The following PCDHGB4 variants were observed in gnomAD, a reference collection of about 807,000 sequenced individuals.
PCDHGB4 encodes the protein protocadherin gamma-B4.
PCDHGB4 carries 38 observed loss-of-function variants against 60.5 expected under a neutral mutation model. The ratio of observed to expected loss-of-function variants is 0.63; its 90% CI spans 0.48 to 0.82. The LOEUF (loss-of-function observed/expected upper bound fraction) is 0.82, where lower values mean the gene tolerates loss of function less well. Ranked by LOEUF, PCDHGB4 falls within the 40% of genes least tolerant of loss-of-function variation. PCDHGB4 has a pLI of 0.00. For missense variants in PCDHGB4, 1,109 were observed against 1,209.6 expected, an observed-to-expected ratio of 0.92 and a Z score of 1.23; for synonymous variants, 456 against 509.7, an observed-to-expected ratio of 0.89 and a Z score of 1.42.
chr5:141,417,760 C>A, intron 1 of PCDHGB4: 1 of 1,438,808 alleles, frequency 7.0e-7, no homozygotes, highest in South Asian at 1.5e-5. Context: ...GCTCCGAGAC[C>A]CGGGACTCCT....
intron 1 of PCDHGB4, chr5:141,426,943 C>T: frequency 2.2e-6 from 1 of 456,736 alleles, no homozygotes; most frequent in Non-Finnish European, 4.4e-6. Flanking sequence ...GACCCAGTCC[C>T]AACTGGCACT....
chr5:141,415,906 A>G, intron 1 of PCDHGB4: 1 of 784,990 alleles, frequency 1.3e-6, no homozygotes, highest in Non-Finnish European at 1.8e-6. Context: ...ACAGACTTCC[A>G]TACAGAAGTG....
intron 1 of PCDHGB4, chr5:141,393,496 T>C (rs960048710): frequency 1.9e-6 from 3 of 1,613,940 alleles, no homozygotes; most frequent in Non-Finnish European, 8.5e-7. Flanking sequence ...ACAGTGCGCA[T>C]CCACGTGACA....
intron 1 of PCDHGB4, chr5:141,393,124 T>A: frequency 6.2e-7 from 1 of 1,613,430 alleles, no homozygotes; most frequent in Non-Finnish European, 8.5e-7. Flanking sequence ...CGGTGTCTGA[T>A]AAATATTAAC....
intron 1 of PCDHGB4, chr5:141,427,871 GA>G: frequency 6.4e-7 from 1 of 1,559,532 alleles, no homozygotes; most frequent in Non-Finnish European, 8.8e-7. Context: ...TCGAGCTCAC[GA>G]TGCAGGCCCA....
chr5:141,416,718 G>T lies in PCDHGB4; in HGVS notation c.2397+26437G>T, dbSNP rs1202204760. The T allele has an allele frequency of 5.9e-5, 9 of 152,308 alleles. No homozygotes were observed. In the East Asian group the frequency reaches 1.5e-3, roughly 26 times the overall value. The allele number at this position is 152,308 out of a possible 1,614,324, so 9.4% of individuals were successfully genotyped here. On this transcript the variant is annotated intron_variant, in intron 1 of 3. Transcript: ENST00000519479. ...AAAGGATCATTGGAGGTACTGATGAGTTCATTTAGTTCAATGAAAATAGTG... is the reference window on the plus strand; with the variant it reads ...AAAGGATCATTGGAGGTACTGATGATTTCATTTAGTTCAATGAAAATAGTG...
At chr5:141,445,249 G>A (rs1337658576) in intron 1 of PCDHGB4, among the ~76,000 whole-genome samples, 2 of 152,170 alleles carry the variant, frequency 1.3e-5, no homozygotes, top group South Asian at 4.1e-4. Flanking sequence ...ACTATATTGT[G>A]TGAGAATATA....
At chr5:141,396,546 G>A (rs2093396215) in intron 1 of PCDHGB4, 1 of 152,118 alleles carries the variant, frequency 6.6e-6, no homozygotes, top group Non-Finnish European at 1.5e-5. Context: ...CTTGAACCCG[G>A]GAGGTGGAGG....
At chr5:141,438,957 C>T (rs1292059651) in intron 1 of PCDHGB4, among the ~76,000 whole-genome samples, 1 of 152,026 alleles carries the variant, frequency 6.6e-6, no homozygotes, top group Non-Finnish European at 1.5e-5. Context: ...TGAGCCACCG[C>T]ACCCTGCCAA....
chr5:141,421,246 C>T (rs1047768415), intron 1 of PCDHGB4: 16 of 1,603,622 alleles, frequency 1.0e-5, no homozygotes, highest in Admixed American at 1.7e-5. Flanking sequence ...TCGGCTACAG[C>T]GCGGGGACCG....
intron 1 of PCDHGB4, chr5:141,399,619 G>T (rs749025661): frequency 1.2e-6 from 2 of 1,613,784 alleles, no homozygotes; most frequent in Non-Finnish European, 1.7e-6. Flanking sequence ...TCTGGCACTG[G>T]CCTCTTACGT....
chr5:141,410,650 T>C (rs781083173), intron 1 of PCDHGB4: 3 of 1,590,604 alleles, frequency 1.9e-6, no homozygotes, highest in Non-Finnish European at 2.6e-6. Context: ...GTGTGATTTA[T>C]CTAATAGTCT....
intron 1 of PCDHGB4, among the ~76,000 whole-genome samples, chr5:141,469,568 T>C (rs942597017): frequency 6.6e-6 from 1 of 152,184 alleles, no homozygotes. Flanking sequence ...AGTGAGACTC[T>C]GTCTCTAAAT....
In PCDHGB4 at chr5:141,491,359, G is replaced by C. The variant is rs764159829; in HGVS notation, c.2398-3448G>C. 3 of 1,614,154 alleles carry C rather than the reference G, an allele frequency of 1.9e-6. No homozygotes were observed. In the East Asian group the frequency reaches 6.7e-5, roughly 36 times the overall value. On this transcript the variant is annotated intron_variant, in intron 1 of 3. Coordinates refer to ENST00000519479, the MANE Select transcript of PCDHGB4 (RefSeq NM_003736.4). This position sits in a 1 kb window ranked among gnomAD's most constrained non-coding sequence, Gnocchi z 6.9. ...AGCGACCGTCAGTCTCTTATCCCTA[G>C]TCACCTTCACCTTTCTGTCAGCGAA...
chr5:141,408,176 G>C, intron 1 of PCDHGB4: 1 of 1,533,992 alleles, frequency 6.5e-7, no homozygotes, highest in South Asian at 1.2e-5. Flanking sequence ...TGGAAAAGCG[G>C]GGACCCAGCG....
Position 141,431,449 on chromosome 5 carries a change from G to A in PCDHGB4, c.2397+41168G>A. Reference sequence around the variant, plus strand: ...GCACAGGCACCGCGCGCATCCGCGTGATGGTTCTGGATGCGAACGACAACG... The same window carrying A: ...GCACAGGCACCGCGCGCATCCGCGTAATGGTTCTGGATGCGAACGACAACG... On this transcript the variant is annotated intron_variant, in intron 1 of 3. Coordinates refer to ENST00000519479, the MANE Select transcript of PCDHGB4 (RefSeq NM_003736.4). The surrounding 1 kb of genome is among the most constrained non-coding windows in gnomAD (Gnocchi z 4.8). The A allele has an allele frequency of 6.2e-7, 1 of 1,613,742 alleles. No individual in the cohort carries two copies. Among genetic ancestry groups the A allele is most frequent in the South Asian group, 1.1e-5 (1 of 91,082 alleles).
rs770391604 is a variant in PCDHGB4, at chr5:141,431,437, G to A, written c.2397+41156G>A. On this transcript the variant is annotated intron_variant, in intron 1 of 3. Coordinates refer to ENST00000519479, the MANE Select transcript of PCDHGB4 (RefSeq NM_003736.4). The surrounding 1 kb of genome is among the most constrained non-coding windows in gnomAD (Gnocchi z 4.8). ...GCGACCCGGTGCGCACAGGCACCGC[G>A]CGCATCCGCGTGATGGTTCTGGATG... The A allele has an allele frequency of 7.4e-6, 12 of 1,613,710 alleles. No homozygotes were observed. In the East Asian group the frequency reaches 2.5e-4, roughly 33 times the overall value.
chr5:141,399,527 T>C lies in PCDHGB4; in HGVS notation c.2397+9246T>C, dbSNP rs781680585. ...GAAAACAACCCTCCTGGGGCCTCCA[T>C]CGCGCAAGTCTGCGCCTCGGACCTG... is the stretch of plus-strand genomic sequence containing the variant. On this transcript the variant is annotated intron_variant, in intron 1 of 3. Transcript: ENST00000519479. The C allele has an allele frequency of 1.4e-4, 229 of 1,613,898 alleles. No homozygotes were observed. The highest frequency in any genetic ancestry group is 1.9e-4 in the Non-Finnish European group (225 of 1,179,892).
intron 1 of PCDHGB4, chr5:141,479,437 C>G (rs2099496053): frequency 6.6e-6 from 1 of 152,224 alleles, no homozygotes; most frequent in Admixed American, 6.5e-5. Flanking sequence ...AATCCACTGT[C>G]TGCACTAAGT....
Sources: gnomAD v4.1 joint callset for allele counts (sites outside exome capture counted in the v4.1 genomes callset) on GRCh38, gnomAD v4.1.1 for gene constraint, Gnocchi (gnomAD v3.1) non-coding constraint, MANE v1.5 for transcripts, NCBI Gene and HGNC (gene_info 2026-07-23, HGNC 2026-07-21) for gene names.